The following GRM7 variants were observed in gnomAD, a reference collection of about 807,000 sequenced individuals.
GRM7 encodes the protein glutamate metabotropic receptor 7, also known as metabotropic glutamate receptor 7.
GRM7 carries 35 observed loss-of-function variants against 84.5 expected under a neutral mutation model. The ratio of observed to expected loss-of-function variants is 0.41; its 90% confidence interval spans 0.32 to 0.55. The LOEUF is 0.55. Ranked by LOEUF, GRM7 falls within the 20% of genes least tolerant of loss-of-function variation. The pLI is 0.19. For missense variants in GRM7, 1,003 were observed against 1,194.6 expected (o/e 0.84, Z 2.36); for synonymous variants, 487 against 455.1 (o/e 1.07, Z -0.89).
At chr3:6,941,883 C>T (rs1452958214) in intron 1 of GRM7, among the ~76,000 whole-genome samples, 2 of 152,086 alleles carry the variant, frequency 1.3e-5, no homozygotes, top group East Asian at 3.9e-4. Flanking sequence ...GTGTGGAATC[C>T]TGTAGGTTAT....
At chr3:7,099,375 C>T (rs1346580085) in intron 1 of GRM7, among the ~76,000 whole-genome samples, 8 of 146,132 alleles carry the variant, frequency 5.5e-5, no homozygotes, top group African/African-American at 1.8e-4. Context: ...TACATATATA[C>T]ATATATAATA....
intron 2 of GRM7, among the ~76,000 whole-genome samples, chr3:7,153,448 A>G (rs990086877): frequency 1.3e-5 from 2 of 152,098 alleles, no homozygotes; most frequent in African/African-American, 4.8e-5. Context: ...TCTCGAGGCT[A>G]GACAGTATGC....
chr3:7,427,743 C>G (rs1256244038), intron 5 of GRM7, among the ~76,000 whole-genome samples: 2 of 152,112 alleles, frequency 1.3e-5, no homozygotes, highest in Non-Finnish European at 2.9e-5. Flanking sequence ...CTTTTTTACT[C>G]CCCTCTGAGA....
intron 4 of GRM7, among the ~76,000 whole-genome samples, chr3:7,334,271 A>G (rs796916841): frequency 1.4e-4 from 22 of 152,222 alleles, no homozygotes; most frequent in African/African-American, 5.3e-4. Flanking sequence ...GAAACCCTCC[A>G]AGCAGGAAGG....
intron 9 of GRM7, among the ~76,000 whole-genome samples, chr3:7,720,387 A>G (rs1243787362): frequency 6.6e-6 from 1 of 151,974 alleles, no homozygotes; most frequent in Non-Finnish European, 1.5e-5. Flanking sequence ...TACATTCTTT[A>G]TTTCAGATCT....
chr3:7,261,789 T>C (rs949207924), intron 2 of GRM7, among the ~76,000 whole-genome samples: 2 of 152,310 alleles, frequency 1.3e-5, no homozygotes, highest in African/African-American at 4.8e-5. Context: ...AGTATGATGA[T>C]AACAAATTCC....
intron 2 of GRM7, among the ~76,000 whole-genome samples, chr3:7,167,960 C>T (rs922224982): frequency 1.5e-4 from 16 of 105,700 alleles, no homozygotes; most frequent in South Asian, 3.6e-4. Context: ...GGCGACTGAG[C>T]GAGACTCTGT....
At chr3:7,446,810 C>T (rs897434410) in intron 5 of GRM7, among the ~76,000 whole-genome samples, 6 of 152,144 alleles carry the variant, frequency 3.9e-5, no homozygotes, top group Admixed American at 2.0e-4. Context: ...CTTTCATTTT[C>T]CATATCTTTT....
chr3:7,327,493 G>T (rs1417343343), intron 4 of GRM7, among the ~76,000 whole-genome samples: 1 of 152,056 alleles, frequency 6.6e-6, no homozygotes. Flanking sequence ...CTAAACTCCA[G>T]TTAACATATT....
intron 8 of GRM7, among the ~76,000 whole-genome samples, chr3:7,603,241 C>T (rs144314623): frequency 0.014 from 2,158 of 152,130 alleles, 23 homozygotes; most frequent in Non-Finnish European, 0.02. Flanking sequence ...TAAACCTTTA[C>T]TCATTTAATG....
At chr3:6,958,531 T>G (rs368259964) in intron 1 of GRM7, among the ~76,000 whole-genome samples, 1 of 152,164 alleles carries the variant, frequency 6.6e-6, no homozygotes, top group East Asian at 1.9e-4. Context: ...TCATTTTCCC[T>G]GGGTAAATAT....
At chr3:7,334,410 A>G (rs1054658048) in intron 4 of GRM7, among the ~76,000 whole-genome samples, 1 of 152,172 alleles carries the variant, frequency 6.6e-6, no homozygotes, top group African/African-American at 2.4e-5. Flanking sequence ...AGGGTTCTAA[A>G]TCTTAAAATA....
At chr3:7,549,239 T>C (rs565173633) in intron 7 of GRM7, among the ~76,000 whole-genome samples, 3 of 152,222 alleles carry the variant, frequency 2.0e-5, no homozygotes, top group African/African-American at 4.8e-5. Context: ...TTAAAACTCA[T>C]CACTTCCTAA....
intron 1 of GRM7, among the ~76,000 whole-genome samples, chr3:7,119,561 G>C (rs770686744): frequency 6.6e-6 from 1 of 152,104 alleles, no homozygotes; most frequent in Non-Finnish European, 1.5e-5. Context: ...ATCACTATTT[G>C]AAGTTTGAGC....
intron 7 of GRM7, among the ~76,000 whole-genome samples, chr3:7,487,012 T>C (rs1393484478): frequency 6.6e-6 from 1 of 152,320 alleles, no homozygotes; most frequent in Non-Finnish European, 1.5e-5. Context: ...GTGAAGGTCA[T>C]TCTAATGAAG....
chr3:7,361,788 T>C (rs1240170809), intron 4 of GRM7, among the ~76,000 whole-genome samples: 1 of 152,132 alleles, frequency 6.6e-6, no homozygotes, highest in Non-Finnish European at 1.5e-5. Context: ...CTAATGGGTA[T>C]TTTCTTCTGG....
chr3:7,712,241 A>G (rs967948612), intron 9 of GRM7, among the ~76,000 whole-genome samples: 1 of 152,192 alleles, frequency 6.6e-6, no homozygotes, highest in East Asian at 1.9e-4. Context: ...ATGAAAGTAA[A>G]CCACACCTTT....
intron 1 of GRM7, among the ~76,000 whole-genome samples, chr3:6,879,148 T>C (rs1282925261): frequency 6.6e-6 from 1 of 151,948 alleles, no homozygotes; most frequent in African/African-American, 2.4e-5. Flanking sequence ...ATAAGATACG[T>C]AAGTCCTACT....
intron 2 of GRM7, among the ~76,000 whole-genome samples, chr3:7,228,072 T>C (rs1013752355): frequency 6.6e-6 from 1 of 152,200 alleles, no homozygotes; most frequent in Non-Finnish European, 1.5e-5. Flanking sequence ...ATTATCAATG[T>C]ATGTCTTATA....
Sources: allele counts gnomAD v4.1 joint callset (sites outside exome capture counted in the v4.1 genomes callset), GRCh38; gene constraint gnomAD v4.1.1; transcripts MANE v1.5; gene names NCBI Gene and HGNC (gene_info 2026-07-23, HGNC 2026-07-21).